MTAP: variants seen among roughly 807,000 people sequenced by gnomAD.
MTAP encodes S-methyl-5'-thioadenosine phosphorylase.
MTAP carries 33 observed loss-of-function variants against 33.6 expected under a neutral mutation model. That is an observed-to-expected ratio of 0.98 (90% CI 0.74 to 1.31). MTAP has a LOEUF of 1.31. Ranked by LOEUF, MTAP falls within the 40% of genes most tolerant of loss-of-function variation. The pLI, the probability that MTAP is intolerant of heterozygous loss-of-function variation, is 0.00. For synonymous variants in MTAP, 148 were observed against 125.7 expected, an observed-to-expected ratio of 1.18 and a Z score of -1.19; for missense variants, 367 against 360.0, an observed-to-expected ratio of 1.02 and a Z score of -0.16.
In MTAP at chr9:21,922,502, C is replaced by G. The variant is rs1375943820; in HGVS notation, c.148-8506C>G. On this transcript the variant is annotated intron_variant, in intron 1 of 1. Coordinates refer to the MTAP transcript ENST00000577563. The surrounding 1 kb of genome is among the most constrained non-coding windows in gnomAD (Gnocchi z 4.8). The stretch of plus-strand genomic sequence containing the variant: ...CTCAAAAACTTGCCTTGGTCTCTCA[C>G]TCTCGCTTATGCCCCTCAGACAAAT... Among the ~76,000 whole-genome samples, 1 of 152,144 alleles carries G rather than the reference C, an allele frequency of 6.6e-6. No homozygotes were observed. Among genetic ancestry groups the G allele is most frequent in the African/African-American group, 2.4e-5 (1 of 41,426 alleles).
intron 1 of MTAP, chr9:21,930,597 A>G (rs1818941844): frequency 1.1e-5 from 4 of 367,580 alleles, no homozygotes; most frequent in East Asian, 9.9e-5. Flanking sequence ...TCCTTGACCT[A>G]TAGCCAACTC....
rs1400709559 is a variant in MTAP at position 21,922,967 on chromosome 9, C to G, written c.148-8041C>G. Among the ~76,000 whole-genome samples, 1 of 152,178 alleles carries G rather than the reference C, an allele frequency of 6.6e-6. No individual in the cohort carries two copies. Among genetic ancestry groups the G allele is most frequent in the Non-Finnish European group, 1.5e-5 (1 of 68,028 alleles). ...ATACAATTGTCTTTTTCCCCAAAAC[C>G]CACACCACCTATTCTCCTGTTTTCT... On this transcript the variant is annotated intron_variant, in intron 1 of 1. Transcript: ENST00000577563. This position sits in a 1 kb window ranked among gnomAD's most constrained non-coding sequence, Gnocchi z 4.8.
In MTAP at chr9:21,803,100, T is replaced by TC. The variant is rs138418587; in HGVS notation, c.33+320dup. On this transcript the variant is annotated intron_variant, in intron 1 of 7. Transcript: ENST00000644715. The stretch of plus-strand genomic sequence containing the variant: ...GTAGGCACCCCTTTAGAGAGAGAGG[T>TC]CGTGGATGGGAGAGGCTGCACCCAT... 5,433 of 556,690 alleles carry TC rather than the reference T, an allele frequency of 9.8e-3. 108 individuals are homozygous for TC. The highest frequency in any genetic ancestry group is 0.059 in the East Asian group (1,680 of 28,656). The allele number at this position is 556,690 out of a possible 1,614,324, so 34.5% of individuals were successfully genotyped here.
intron 1 of MTAP, chr9:21,812,440 GA>G (rs561583866): frequency 6.5e-6 from 1 of 153,200 alleles, no homozygotes; most frequent in South Asian, 2.1e-4. Context: ...ATCTGTCAAG[GA>G]CCTTGATTGA....
At chr9:21,890,238 C>T (rs1222830420) in intron 1 of MTAP, among the ~76,000 whole-genome samples, 1 of 152,102 alleles carries the variant, frequency 6.6e-6, no homozygotes, top group African/African-American at 2.4e-5. Context: ...CTGATAGTGA[C>T]CAGCCTCACC....
At chr9:21,930,592 G>T (rs1818941805) in intron 1 of MTAP, 1 of 351,048 alleles carries the variant, frequency 2.8e-6, no homozygotes, top group Non-Finnish European at 5.1e-6. Flanking sequence ...AAGCCTCCTT[G>T]ACCTATAGCC....
chr9:21,863,239 G>C lies in MTAP; in HGVS notation c.*1225G>C. 1.0e-6 allele frequency: 1 copy of C among 971,906 alleles called. No homozygotes were observed. The highest frequency in any genetic ancestry group is 1.2e-6 in the Non-Finnish European group (1 of 817,698). The allele number at this position is 971,906 out of a possible 1,614,324, so 60.2% of individuals were successfully genotyped here. On this transcript the variant is annotated 3_prime_UTR_variant, in exon 8 of 8. Transcript: ENST00000644715. ...TTTTATGAGTTAAATTATTTTATAC[G>C]AGTTGGTAATTTTTGCTTTTTAATA... is the stretch of plus-strand genomic sequence containing the variant.
In MTAP at chr9:21,890,890, G is replaced by C. The variant is rs373622339; in HGVS notation, c.147+36020G>C. ...GTACATTCTTGTGGTCGTTCTTGGA[G>C]CAAAAGTTTATGATGTAAGCCTCCA... On this transcript the variant is annotated intron_variant, in intron 1 of 1. Coordinates refer to the MTAP transcript ENST00000577563. Among the ~76,000 whole-genome samples the C allele has an allele frequency of 4.6e-5, 7 of 152,216 alleles. No homozygotes were observed. In the East Asian group the frequency reaches 1.4e-3, roughly 29 times the overall value.
intron 1 of MTAP, among the ~76,000 whole-genome samples, chr9:21,872,678 A>G (rs1166843093): frequency 2.0e-5 from 3 of 152,238 alleles, no homozygotes; most frequent in African/African-American, 7.2e-5. Context: ...AAATTGCATT[A>G]TGAAAATGCT....
At chr9:21,838,110 C>A in intron 5 of MTAP, 100 bp downstream of exon 5, 2 of 887,590 alleles carry the variant, frequency 2.3e-6, no homozygotes, top group Non-Finnish European at 3.6e-6. Flanking sequence ...CCCATACCCT[C>A]ACTCAAGTTT....
At chr9:21,874,556 T>A (rs374260520) in intron 1 of MTAP, among the ~76,000 whole-genome samples, 7 of 152,156 alleles carry the variant, frequency 4.6e-5, no homozygotes, top group African/African-American at 1.7e-4. Flanking sequence ...GAGACTTTGA[T>A]TGGTTGTTTT....
intron 5 of MTAP, among the ~76,000 whole-genome samples, chr9:21,840,230 A>G (rs550111064): frequency 5.9e-5 from 9 of 152,278 alleles, no homozygotes; most frequent in African/African-American, 2.2e-4. Context: ...TCAAAAAAAA[A>G]AAAAAGTAAA....
intron 1 of MTAP, chr9:21,893,135 G>T (rs1818228131): frequency 6.6e-6 from 1 of 152,150 alleles, no homozygotes; most frequent in Admixed American, 6.5e-5. Flanking sequence ...GTGTTAAGAG[G>T]AAAATGTACA....
chr9:21,870,016 C>T (rs1825912957), downstream of MTAP, among the ~76,000 whole-genome samples: 1 of 152,176 alleles, frequency 6.6e-6, no homozygotes, highest in African/African-American at 2.4e-5. Context: ...AAGAACACAC[C>T]AGGCCCCCTC....
At chr9:21,838,226 A>G (rs528444084) in intron 5 of MTAP, among the ~76,000 whole-genome samples, 96 of 152,300 alleles carry the variant, frequency 6.3e-4, no homozygotes, top group African/African-American at 2.2e-3. Flanking sequence ...CAAAGTTGCA[A>G]CCTACCTTTT....
chr9:21,915,756 A>G (rs987494133), intron 1 of MTAP, among the ~76,000 whole-genome samples: 17 of 152,170 alleles, frequency 1.1e-4, no homozygotes, highest in African/African-American at 4.1e-4. Context: ...GCAGCCCAGC[A>G]TGGCAGCTCA....
chr9:21,834,779 C>G (rs1183301656), intron 4 of MTAP, among the ~76,000 whole-genome samples: 1 of 152,214 alleles, frequency 6.6e-6, no homozygotes, highest in Non-Finnish European at 1.5e-5. Flanking sequence ...CTTAGTTCCC[C>G]TTTGCCATCT....
intron 1 of MTAP, among the ~76,000 whole-genome samples, chr9:21,803,909 A>C (rs901813839): frequency 1.3e-5 from 2 of 152,224 alleles, no homozygotes; most frequent in African/African-American, 4.8e-5. Flanking sequence ...TGAGCCACTT[A>C]GAATGAGAGG....
intron 7 of MTAP, chr9:21,861,197 C>T (rs1227346753): frequency 1.3e-5 from 2 of 152,120 alleles, no homozygotes; most frequent in African/African-American, 4.8e-5. Flanking sequence ...GAGTAGAAAT[C>T]AGTGTTCTCC....
Sources: allele counts gnomAD v4.1 joint callset (sites outside exome capture counted in the v4.1 genomes callset), GRCh38; gene constraint gnomAD v4.1.1; non-coding constraint Gnocchi (gnomAD v3.1); transcripts MANE v1.5; gene names NCBI Gene and HGNC (gene_info 2026-07-23, HGNC 2026-07-21).